CAD: variants seen among roughly 807,000 people sequenced by gnomAD.
CAD encodes carbamoyl-phosphate synthetase 2, aspartate transcarbamylase, and dihydroorotase.
In CAD, 81 loss-of-function variants were observed where a neutral mutation model predicts 237.2. The ratio of observed to expected loss-of-function variants is 0.34; its 90% CI spans 0.29 to 0.41. The LOEUF is 0.41. Ranked by LOEUF, CAD falls within the 10% of genes least tolerant of loss-of-function variation. The pLI is 1.00. For missense variants in CAD, 2,181 were observed against 2,951.7 expected (o/e 0.74, Z 6.05); for synonymous variants, 1,196 against 1,162.8 (o/e 1.03, Z -0.58).
chr2:27,235,174 G>A lies in CAD; in HGVS notation c.3787-71G>A, dbSNP rs2148081547. 1 of 1,383,102 alleles carries A rather than the reference G, an allele frequency of 7.2e-7. No individual in the cohort carries two copies. Among genetic ancestry groups the A allele is most frequent in the South Asian group, 1.4e-5 (1 of 73,806 alleles). 85.7% of individuals were successfully genotyped at this position (1,383,102 alleles called of 1,614,324 possible). On this transcript the variant is annotated intron_variant, in intron 23 of 43. Transcript: ENST00000264705. The surrounding 1 kb of genome is among the most constrained non-coding windows in gnomAD (Gnocchi z 5.2). ...GATGGGATCAAGCACAGGGTACTGT[G>A]TCCGTCTCTGCTGGTGAGGGAGGAG...
chr2:27,235,645 A>G lies in CAD; in HGVS notation c.4074+5A>G. ...TACACTGAGCATGGCGTCAAGGTGC[A>G]GGAACTCTGGCAACCTACCCCACTG... On this transcript the variant is annotated splice_donor_5th_base_variant and intron_variant, in intron 25 of 43. Transcript: ENST00000264705. This position sits in a 1 kb window ranked among gnomAD's most constrained non-coding sequence, Gnocchi z 5.2. 2 of 1,613,270 alleles carry G rather than the reference A, an allele frequency of 1.2e-6. No homozygotes were observed. The highest frequency in any genetic ancestry group is 8.5e-7 in the Non-Finnish European group (1 of 1,179,204).
At position 27,237,632 on chromosome 2, in the gene CAD, C is replaced by T. The variant is rs529655073; in HGVS notation, c.4564-86C>T. 1.4e-4 allele frequency: 223 copies of T among 1,573,102 alleles called. No individual in the cohort carries two copies. The highest frequency in any genetic ancestry group is 1.7e-4 in the Non-Finnish European group (201 of 1,156,774). ...TCCCTGAGCCCTTTTCCTTCTGCCC[C>T]GCCCTATGGGCCCAGGCCACTGGTG... On this transcript the variant is annotated intron_variant, in intron 28 of 43. Coordinates refer to ENST00000264705, the MANE Select transcript of CAD (RefSeq NM_004341.5). The surrounding 1 kb of genome is among the most constrained non-coding windows in gnomAD (Gnocchi z 4.0).
rs1675371248 is a variant in CAD at position 27,225,138 on chromosome 2, A to G, written c.1515A>G (p.Pro505=). ...ARYGVRVLGT[P]VETIELTEDR... ...ATGGGGTCCGGGTCCTGGGCACACC[A>G]GTGGAGACCATTGAGCTGACCGAGG... The change falls in exon 11 of 44, where the codon CCA becomes CCG. Residue 505 remains proline (P), a synonymous_variant. Coordinates refer to ENST00000264705, the MANE Select transcript of CAD (RefSeq NM_004341.5). 6.2e-7 allele frequency: 1 copy of G among 1,613,994 alleles called. No individual in the cohort carries two copies.
chr2:27,222,057 C>T (rs1246215522), intron 3 of CAD, 137 bp from the exon 4 acceptor site: 1 of 791,170 alleles, frequency 1.3e-6, no homozygotes, highest in Non-Finnish European at 2.1e-6. Context: ...ACTTCTGTCA[C>T]AATGGCCCAG....
chr2:27,234,762 A>T, intron 23 of CAD, 77 bp downstream of exon 23: 3 of 1,407,196 alleles, frequency 2.1e-6, no homozygotes, highest in Non-Finnish European at 2.9e-6. Flanking sequence ...AGTTGTCAGT[A>T]TGTAAACCAG....
intron 6 of CAD, 52 bp downstream of exon 6, chr2:27,223,089 G>A: frequency 6.4e-7 from 1 of 1,573,272 alleles, no homozygotes; most frequent in South Asian, 1.1e-5. Flanking sequence ...TGAGGGGTGG[G>A]GTGTCTCAGG....
Position 27,237,503 on chromosome 2 carries a change from G to C in CAD, c.4521G>C (p.Arg1507=), listed in dbSNP as rs746575856. Reference sequence around the variant, plus strand: ...TGGTGTGTGCCATGCCTAATACCCGGCCCCCCATCATTGACGCCCCTGCTC... The same window carrying C: ...TGGTGTGTGCCATGCCTAATACCCGCCCCCCCATCATTGACGCCCCTGCTC... ...ITMVCAMPNT[R]PPIIDAPALA... Residue 1507 remains arginine, a synonymous_variant, in exon 28 of 44, where the codon CGG becomes CGC. Coordinates refer to ENST00000264705, the MANE Select transcript of CAD (RefSeq NM_004341.5). The surrounding 1 kb of genome is among the most constrained non-coding windows in gnomAD (Gnocchi z 4.0). The C allele has an allele frequency of 2.5e-6, 4 of 1,613,962 alleles. No individual in the cohort carries two copies. In the African/African-American group the frequency reaches 5.3e-5, roughly 22 times the overall value.
In CAD at chr2:27,235,163, CAG is replaced by C; in HGVS notation, c.3787-81_3787-80del. Reference sequence around the variant, plus strand: ...CCTGCCATTCAGATGGGATCAAGCACAGGGTACTGTGTCCGTCTCTGCTGGTG... The same window carrying C: ...CCTGCCATTCAGATGGGATCAAGCACGGTACTGTGTCCGTCTCTGCTGGTG... On this transcript the variant is annotated intron_variant, in intron 23 of 43. Coordinates refer to ENST00000264705, the MANE Select transcript of CAD (RefSeq NM_004341.5). The surrounding 1 kb of genome is among the most constrained non-coding windows in gnomAD (Gnocchi z 5.2). The C allele has an allele frequency of 7.7e-7, 1 of 1,295,698 alleles. No homozygotes were observed. The highest frequency in any genetic ancestry group is 1.1e-6 in the Non-Finnish European group (1 of 938,464). The allele number at this position is 1,295,698 out of a possible 1,614,324, so 80.3% of individuals were successfully genotyped here.
chr2:27,224,258 A>C lies in CAD; in HGVS notation c.1109-87A>C. ...TCCTGAGGTGCATAATTTGCTCTGG[A>C]CTCTTCTGAAAGCGAGGGAGCTAAT... is the stretch of plus-strand genomic sequence containing the variant. On this transcript the variant is annotated intron_variant, in intron 8 of 43. Transcript: ENST00000264705. The C allele has an allele frequency of 2.8e-6, 4 of 1,452,548 alleles. No individual in the cohort carries two copies. In the East Asian group the frequency reaches 6.9e-5, roughly 25 times the overall value. The allele number at this position is 1,452,548 out of a possible 1,614,324, so 90.0% of individuals were successfully genotyped here. A position where few individuals can be genotyped will look rare whatever the true frequency, so the allele number is the denominator to read the frequency against.
chr2:27,223,070 C>G, intron 6 of CAD, 33 bp downstream of exon 6: 4 of 1,608,058 alleles, frequency 2.5e-6, no homozygotes, highest in Non-Finnish European at 3.4e-6. Flanking sequence ...GGGGCCCATA[C>G]TTGTGGCATG....
Position 27,226,540 on chromosome 2 carries a change from G to A in CAD, c.2047G>A (p.Val683Met), listed in dbSNP as rs774780870. Reference protein sequence around the residue: ...PESEQYYIIEVNARLSRSSAL... With the variant: ...PESEQYYIIEMNARLSRSSAL... The stretch of plus-strand genomic sequence containing the variant: ...TTCTTTGCAGTATTACATCATTGAA[G>A]TGAATGCCAGGCTCTCTCGCAGCTC... Residue 683 changes from valine (V) to methionine (M), a missense_variant, in exon 14 of 44, where the codon GTG becomes ATG. Val to Met is a conservative substitution (Grantham distance 21). Transcript: ENST00000264705. 2.5e-6 allele frequency: 4 copies of A among 1,614,186 alleles called. No individual in the cohort carries two copies. The highest frequency in any genetic ancestry group is 3.4e-6 in the Non-Finnish European group (4 of 1,180,028).
chr2:27,238,333 C>A, intron 30 of CAD, 98 bp from the exon 31 acceptor site: 1 of 1,455,956 alleles, frequency 6.9e-7, no homozygotes, highest in Non-Finnish European at 9.4e-7. Context: ...TGCAGGTCTA[C>A]ATCATCATTT....
At position 27,241,307 on chromosome 2, in the gene CAD, TGGG is replaced by T. The variant is rs1377007750; in HGVS notation, c.5809-14_5809-12del. 1.9e-6 allele frequency: 3 copies of T among 1,614,102 alleles called. No individual in the cohort carries two copies. In the South Asian group the frequency reaches 3.3e-5, roughly 18 times the overall value. On this transcript the variant is annotated splice_polypyrimidine_tract_variant and intron_variant, in intron 37 of 43. Coordinates refer to ENST00000264705, the MANE Select transcript of CAD (RefSeq NM_004341.5). The surrounding 1 kb of genome is among the most constrained non-coding windows in gnomAD (Gnocchi z 4.6). Reference sequence around the variant, plus strand: ...GGGGCTAGGACCTTTCTAGCTAACTTGGGCTCTTTCTTAGATGTCTCACCTGTT... The same window carrying T: ...GGGGCTAGGACCTTTCTAGCTAACTTCTCTTTCTTAGATGTCTCACCTGTT...
intron 11 of CAD, 152 bp from the exon 12 acceptor site, chr2:27,225,553 C>CCCG (rs372884350): frequency 2.7e-5 from 17 of 618,338 alleles, no homozygotes; most frequent in Non-Finnish European, 4.0e-5. Context: ...TGATCCACCC[C>CCCG]CCCGACCCTC....
chr2:27,238,898 C>T (rs1298142943), intron 31 of CAD, 144 bp from the exon 32 acceptor site: 1 of 841,192 alleles, frequency 1.2e-6, no homozygotes, highest in Non-Finnish European at 1.9e-6. Flanking sequence ...GTCCTGTTGC[C>T]CTTGTTTCTA....
chr2:27,236,319 G>A lies in CAD; in HGVS notation c.4110G>A (p.Val1370=), dbSNP rs1438122569. 2.5e-6 allele frequency: 4 copies of A among 1,614,038 alleles called. No homozygotes were observed. The highest frequency in any genetic ancestry group is 2.5e-6 in the Non-Finnish European group (3 of 1,180,036). ...TAVDWHFEEA[V]DGECPPQRSI... ...TGGACTGGCACTTTGAGGAGGCTGT[G>A]GATGGTGAGTGCCCACCACAGCGGA... The change falls in exon 26 of 44, where the codon GTG becomes GTA. Residue 1370 remains valine, a synonymous_variant. Transcript: ENST00000264705. This position sits in a 1 kb window ranked among gnomAD's most constrained non-coding sequence, Gnocchi z 4.1.
chr2:27,243,492 T>G lies in CAD; in HGVS notation c.6652T>G (p.Leu2218Val), dbSNP rs754676166. 6.2e-7 allele frequency: 1 copy of G among 1,603,644 alleles called. No homozygotes were observed. The highest frequency in any genetic ancestry group is 8.5e-7 in the Non-Finnish European group (1 of 1,175,696). ...CGGCATGTACATCCGCATGGCTCTG[T>G]TAGCCACCGTGCTGGGCCGTTTCTA... ...ENGMYIRMALLATVLGRF is the reference protein window; with the variant it reads ...ENGMYIRMALVATVLGRF Residue 2218 changes from leucine to valine, a missense_variant, in exon 44 of 44, where the codon TTA becomes GTA. Physicochemically the swap from Leu to Val is conservative, Grantham distance 32 (BLOSUM62 1). Coordinates refer to ENST00000264705, the MANE Select transcript of CAD (RefSeq NM_004341.5).
intron 15 of CAD, among the ~76,000 whole-genome samples, chr2:27,228,544 G>T (rs1379187947): frequency 6.6e-6 from 1 of 152,206 alleles, no homozygotes; most frequent in Non-Finnish European, 1.5e-5. Context: ...AGCTGTGATT[G>T]TACCACTGCA....
chr2:27,240,608 A>T lies in CAD; in HGVS notation c.5593+247A>T, dbSNP rs761409080. 2 of 1,543,772 alleles carry T rather than the reference A, an allele frequency of 1.3e-6. No individual in the cohort carries two copies. Among genetic ancestry groups the T allele is most frequent in the Admixed American group, 2.0e-5 (1 of 50,728 alleles). On this transcript the variant is annotated intron_variant, in intron 35 of 43. Transcript: ENST00000264705. The surrounding 1 kb of genome is among the most constrained non-coding windows in gnomAD (Gnocchi z 4.6). Reference sequence around the variant, plus strand: ...AGGAGCTGGGATCCCACGGGGCAGCAGAGCGTGGGGTAAATCCAGGTTGTT... The same window carrying T: ...AGGAGCTGGGATCCCACGGGGCAGCTGAGCGTGGGGTAAATCCAGGTTGTT...
Sources: allele counts gnomAD v4.1 joint callset (sites outside exome capture counted in the v4.1 genomes callset), GRCh38; gene constraint gnomAD v4.1.1; non-coding constraint Gnocchi (gnomAD v3.1); transcripts MANE v1.5; gene names NCBI Gene and HGNC (gene_info 2026-07-23, HGNC 2026-07-21).